RBFOX1: variants seen among roughly 807,000 people sequenced by gnomAD.
RBFOX1 encodes the protein RNA binding protein fox-1 homolog 1.
In RBFOX1, 8 loss-of-function variants were observed where a neutral mutation model predicts 57.7. The ratio of observed to expected loss-of-function variants is 0.14; its 90% CI spans 0.08 to 0.25. RBFOX1 has a LOEUF of 0.25. Among genes scored for constraint, RBFOX1 ranks in the 10% least tolerant of loss-of-function variants. The pLI, the probability that RBFOX1 is intolerant of heterozygous loss-of-function variation, is 1.00. For missense variants in RBFOX1, 611 were observed against 548.5 expected (o/e 1.11, Z -1.14); for synonymous variants, 326 against 222.4 (o/e 1.47, Z -4.15).
At chr16:5,664,717 A>G (rs2049774809) in intron 3 of RBFOX1, among the ~76,000 whole-genome samples, 1 of 152,156 alleles carries the variant, frequency 6.6e-6, no homozygotes, top group Admixed American at 6.5e-5. Flanking sequence ...CCTAAGTGGG[A>G]AATACTGACT....
chr16:6,825,309 C>T (rs949529692), intron 3 of RBFOX1, among the ~76,000 whole-genome samples: 13 of 151,322 alleles, frequency 8.6e-5, no homozygotes, highest in Admixed American at 6.0e-4. Context: ...AGATATTGCC[C>T]ATGTTCCCCT....
chr16:5,473,287 ATATTTGT>A (rs139712077), intron 2 of RBFOX1, among the ~76,000 whole-genome samples: 4,593 of 152,254 alleles, frequency 0.03, 235 homozygotes, highest in African/African-American at 0.1. Context: ...CATCTGATAA[ATATTTGT>A]TAGGTGAGAA....
intron 10 of RBFOX1, among the ~76,000 whole-genome samples, chr16:7,623,735 G>A (rs976603581): frequency 1.3e-5 from 2 of 152,182 alleles, no homozygotes; most frequent in African/African-American, 4.8e-5. Flanking sequence ...TCTGGATGCT[G>A]GAAGTCTGAG....
At chr16:6,780,888 C>A (rs76103221) in intron 3 of RBFOX1, among the ~76,000 whole-genome samples, 1 of 151,872 alleles carries the variant, frequency 6.6e-6, no homozygotes, top group African/African-American at 2.4e-5. Flanking sequence ...CATGTTCTGG[C>A]AGTTATTCTC....
chr16:6,237,156 A>G (rs1178650091), intron 1 of RBFOX1, among the ~76,000 whole-genome samples: 1 of 152,192 alleles, frequency 6.6e-6, no homozygotes, highest in Non-Finnish European at 1.5e-5. Flanking sequence ...CTAAAATCTT[A>G]CTGGCAAGGG....
chr16:7,024,239 G>T (rs953558952), intron 3 of RBFOX1, among the ~76,000 whole-genome samples: 3 of 152,120 alleles, frequency 2.0e-5, no homozygotes, highest in African/African-American at 7.2e-5. Flanking sequence ...CTCATATCGT[G>T]CTCTGGACAT....
rs112024462 is a variant in RBFOX1 at position 5,348,315 on chromosome 16, A to G, written c.219+108210A>G. On this transcript the variant is annotated intron_variant, in intron 1 of 2. Transcript: ENST00000585867. ...AATGTTTATTGAATACATAGTGATT[A>G]CTAGGCATTGGAATAACATTTATGA... Among the ~76,000 whole-genome samples, 1,244 of 152,338 alleles carry G rather than the reference A, an allele frequency of 8.2e-3. 10 individuals carry two copies. The highest frequency in any genetic ancestry group is 0.014 in the Non-Finnish European group (934 of 68,032).
chr16:7,383,043 A>T (rs1280123821), intron 4 of RBFOX1, among the ~76,000 whole-genome samples: 1 of 152,108 alleles, frequency 6.6e-6, no homozygotes, highest in Non-Finnish European at 1.5e-5. Context: ...AAGAGTAGAG[A>T]ATTTTCTTTG....
intron 12 of RBFOX1, among the ~76,000 whole-genome samples, chr16:7,654,398 T>C (rs780311271): frequency 3.3e-5 from 5 of 152,106 alleles, no homozygotes; most frequent in Admixed American, 6.5e-5. Flanking sequence ...GCTTCAAGGG[T>C]CACGAACCTT....
intron 3 of RBFOX1, among the ~76,000 whole-genome samples, chr16:6,688,993 T>G (rs2154130677): frequency 6.6e-6 from 1 of 152,348 alleles, no homozygotes; most frequent in African/African-American, 2.4e-5. Context: ...CTGCATAGTA[T>G]TCCATGGTTT....
chr16:6,497,444 T>C (rs1460322275), intron 2 of RBFOX1, among the ~76,000 whole-genome samples: 2 of 152,090 alleles, frequency 1.3e-5, no homozygotes, highest in East Asian at 3.9e-4. Flanking sequence ...CAGAGAGCAC[T>C]TGGAGAAAGA....
chr16:6,875,268 C>G (rs921793492), intron 3 of RBFOX1, among the ~76,000 whole-genome samples: 6 of 152,174 alleles, frequency 3.9e-5, no homozygotes, highest in Non-Finnish European at 8.8e-5. Flanking sequence ...GAAGACTCTT[C>G]GGTTGTCTAA....
Position 5,360,798 on chromosome 16 carries a change from G to A in RBFOX1, c.220-106418G>A, listed in dbSNP as rs796652391. 3.9e-5 allele frequency among the ~76,000 whole-genome samples: 6 copies of A among 152,274 alleles called. No individual in the cohort carries two copies. The South Asian group carries it at 6.2e-4, about 16-fold the overall frequency. ...GACTACTGATGGATTCAATGAAATC[G>A]TACAAAAATTTCTTCCATCTTTGCC... On this transcript the variant is annotated intron_variant, in intron 1 of 2. Transcript: ENST00000585867.
At chr16:6,385,560 A>T (rs958378168) in intron 2 of RBFOX1, among the ~76,000 whole-genome samples, 1 of 152,140 alleles carries the variant, frequency 6.6e-6, no homozygotes, top group Non-Finnish European at 1.5e-5. Context: ...GGGTTTTACC[A>T]TGTTGGCCAG....
At chr16:5,469,752 A>C (rs997086599) in intron 2 of RBFOX1, among the ~76,000 whole-genome samples, 1 of 152,190 alleles carries the variant, frequency 6.6e-6, no homozygotes, top group Non-Finnish European at 1.5e-5. Context: ...TATAAATGGA[A>C]TTGTATAGTA....
intron 2 of RBFOX1, among the ~76,000 whole-genome samples, chr16:6,341,628 G>C (rs1442322275): frequency 6.6e-6 from 1 of 151,876 alleles, no homozygotes; most frequent in African/African-American, 2.4e-5. Flanking sequence ...AACCCTGATA[G>C]TAAAGCACAT....
intron 3 of RBFOX1, among the ~76,000 whole-genome samples, chr16:6,766,036 A>G (rs1009650864): frequency 6.6e-6 from 1 of 152,076 alleles, no homozygotes; most frequent in Non-Finnish European, 1.5e-5. Flanking sequence ...AACGTACACT[A>G]CTCGGGTGGC....
At position 6,889,803 on chromosome 16, in the gene RBFOX1, C is replaced by G. The variant is rs111483621; in HGVS notation, c.-15-162254C>G. ...AAGGTTGGGTGAGATTTTAGGAGTTCTATAAGTTTCTTTTAGGTGGTTCAC... is the reference window on the plus strand; with the variant it reads ...AAGGTTGGGTGAGATTTTAGGAGTTGTATAAGTTTCTTTTAGGTGGTTCAC... On this transcript the variant is annotated intron_variant, in intron 3 of 15. Coordinates refer to ENST00000550418, the MANE Select transcript of RBFOX1 (RefSeq NM_018723.4). Among the ~76,000 whole-genome samples, 14 of 152,264 alleles carry G rather than the reference C, an allele frequency of 9.2e-5. 1 individual carries two copies. Among genetic ancestry groups the G allele is most frequent in the Admixed American group, 6.5e-4 (10 of 15,302 alleles).
chr16:6,411,722 A>T (rs1478750676), intron 2 of RBFOX1, among the ~76,000 whole-genome samples: 1 of 152,212 alleles, frequency 6.6e-6, no homozygotes, highest in East Asian at 1.9e-4. Flanking sequence ...AGCTTTTATT[A>T]TTGAAAGTCA....
Sources: gnomAD v4.1 joint callset for allele counts (sites outside exome capture counted in the v4.1 genomes callset) on GRCh38, gnomAD v4.1.1 for gene constraint, MANE v1.5 for transcripts, NCBI Gene and HGNC (gene_info 2026-07-23, HGNC 2026-07-21) for gene names.